FGF14: variants seen among roughly 807,000 people sequenced by gnomAD.
FGF14 encodes fibroblast growth factor 14.
In FGF14, 5 loss-of-function variants were observed where a neutral mutation model predicts 25.5. That is an observed-to-expected ratio of 0.20 (90% CI 0.10 to 0.41). FGF14 has a LOEUF of 0.41. Ranked by LOEUF, FGF14 falls within the 10% of genes least tolerant of loss-of-function variation. The pLI, the probability that FGF14 is intolerant of heterozygous loss-of-function variation, is 1.00. For missense variants in FGF14, 222 were observed against 320.1 expected (o/e 0.69, Z 2.34); for synonymous variants, 138 against 118.3 (o/e 1.17, Z -1.08).
Position 101,903,228 on chromosome 13 carries a change from C to G in FGF14, c.193+13225G>C, listed in dbSNP as rs2031794822. On this transcript the variant is annotated intron_variant, in intron 1 of 4. Coordinates refer to ENST00000376143, the MANE Select transcript of FGF14 (RefSeq NM_004115.4). ...AAGTTACAGATCAGAGTTGTGGAGA[C>G]TCTAATTGTGGTGTGTGTGTGTGTG... 2.1e-5 allele frequency among the ~76,000 whole-genome samples: 3 copies of G among 144,476 alleles called. No individual in the cohort carries two copies. In the Admixed American group the frequency reaches 2.2e-4, roughly 10 times the overall value. 94.8% of individuals were successfully genotyped at this position (144,476 alleles called of 152,430 possible).
In FGF14 at chr13:101,916,891, C is replaced by T. The variant is rs2476226; in HGVS notation, c.-246G>A. ...AGCCGGACGATCCCGGGAAGCCGGA[C>T]GTCGTGGCCGCCGCCGCTTGGCCAC... On this transcript the variant is annotated 5_prime_UTR_variant, in exon 1 of 5. Transcript: ENST00000376143. Among the ~76,000 whole-genome samples, 10 of 152,072 alleles carry T rather than the reference C, an allele frequency of 6.6e-5. No homozygotes were observed. The highest frequency in any genetic ancestry group is 2.4e-4 in the African/African-American group (10 of 41,448).
intron 1 of FGF14, among the ~76,000 whole-genome samples, chr13:102,273,454 A>G (rs2053353462): frequency 6.6e-6 from 1 of 152,248 alleles, no homozygotes; most frequent in African/African-American, 2.4e-5. Context: ...CCTCAAAACG[A>G]CTCAAGGCAT....
intron 3 of FGF14, among the ~76,000 whole-genome samples, chr13:101,836,161 C>G (rs1054940948): frequency 2.6e-5 from 4 of 151,938 alleles, no homozygotes; most frequent in African/African-American, 9.7e-5. Flanking sequence ...AAAGACTGAG[C>G]AATTTGAAGT....
chr13:102,220,963 G>A (rs1322030971), intron 1 of FGF14, among the ~76,000 whole-genome samples: 3 of 152,178 alleles, frequency 2.0e-5, no homozygotes, highest in Admixed American at 2.0e-4. Flanking sequence ...ACTACACAGG[G>A]GTATTGAGAT....
intron 1 of FGF14, among the ~76,000 whole-genome samples, chr13:102,380,243 A>T (rs1430752904): frequency 6.6e-6 from 1 of 150,860 alleles, no homozygotes; most frequent in African/African-American, 2.5e-5. Flanking sequence ...CATACATGGA[A>T]CTGACATTCC....
intron 1 of FGF14, among the ~76,000 whole-genome samples, chr13:101,961,761 A>G (rs1163592835): frequency 6.6e-6 from 1 of 152,118 alleles, no homozygotes. Context: ...CCACCATGTG[A>G]AGAAGGATGT....
intron 1 of FGF14, among the ~76,000 whole-genome samples, chr13:102,126,900 C>G (rs1411647010): frequency 1.5e-4 from 23 of 152,114 alleles, no homozygotes; most frequent in Admixed American, 1.5e-3. Flanking sequence ...GTAATTCTGT[C>G]TGTATAAAAT....
At chr13:102,353,779 G>A (rs548775356) in intron 1 of FGF14, among the ~76,000 whole-genome samples, 5 of 152,278 alleles carry the variant, frequency 3.3e-5, no homozygotes, top group East Asian at 3.9e-4. Context: ...ACCCTGCAGA[G>A]TGTTTTTCCT....
rs541998136 is a variant in FGF14 at position 102,185,601 on chromosome 13, T to G, written c.208+215870A>C. Among the ~76,000 whole-genome samples, 5 of 152,312 alleles carry G rather than the reference T, an allele frequency of 3.3e-5. No individual in the cohort carries two copies. The East Asian group carries it at 5.8e-4, about 18-fold the overall frequency. On this transcript the variant is annotated intron_variant, in intron 1 of 4. Transcript: ENST00000376131. The stretch of plus-strand genomic sequence containing the variant: ...GGATGAGAAATGTATCTCTTAAAGA[T>G]CTCCATATGAGTTAATATTACACCT...
chr13:101,905,317 G>A (rs1355330331), intron 1 of FGF14, among the ~76,000 whole-genome samples: 2 of 152,166 alleles, frequency 1.3e-5, no homozygotes, highest in Non-Finnish European at 2.9e-5. Context: ...GTCCATCAAT[G>A]ATAGATTGGA....
At chr13:101,969,380 G>C (rs775677651) in intron 1 of FGF14, among the ~76,000 whole-genome samples, 1 of 152,112 alleles carries the variant, frequency 6.6e-6, no homozygotes, top group Non-Finnish European at 1.5e-5. Flanking sequence ...TGGCTAACAC[G>C]GTGAATCCCC....
intron 3 of FGF14, among the ~76,000 whole-genome samples, chr13:101,787,101 A>G (rs1466673810): frequency 6.6e-6 from 1 of 152,196 alleles, no homozygotes; most frequent in African/African-American, 2.4e-5. Flanking sequence ...TGCTCATTCA[A>G]AATATATAAT....
At chr13:102,372,154 C>G (rs2057904351) in intron 1 of FGF14, among the ~76,000 whole-genome samples, 1 of 152,124 alleles carries the variant, frequency 6.6e-6, no homozygotes, top group African/African-American at 2.4e-5. Flanking sequence ...AGAAGTATTT[C>G]TCTCTACTTC....
At chr13:101,829,555 T>C (rs555390517) in intron 3 of FGF14, among the ~76,000 whole-genome samples, 1 of 151,998 alleles carries the variant, frequency 6.6e-6, no homozygotes, top group South Asian at 2.1e-4. Flanking sequence ...TCCGGAGGTA[T>C]TGAGAACAAA....
chr13:102,210,380 T>G (rs2050108717), intron 1 of FGF14, among the ~76,000 whole-genome samples: 1 of 152,132 alleles, frequency 6.6e-6, no homozygotes, highest in Non-Finnish European at 1.5e-5. Context: ...AGTTTCCAGA[T>G]ATAATCATAT....
chr13:101,991,513 G>C lies in FGF14; in HGVS notation c.209-116217C>G, dbSNP rs527430624. On this transcript the variant is annotated intron_variant, in intron 1 of 4. Transcript: ENST00000376131. ...TCCAGTTTCTAGTCTGACGTGCAAAGGTTTTCAAAGTTGTCACTCCCATTC... is the reference window on the plus strand; with the variant it reads ...TCCAGTTTCTAGTCTGACGTGCAAACGTTTTCAAAGTTGTCACTCCCATTC... 3.9e-5 allele frequency among the ~76,000 whole-genome samples: 6 copies of C among 152,162 alleles called. No homozygotes were observed. The East Asian group carries it at 1.2e-3, about 29-fold the overall frequency.
Position 101,715,671 on chromosome 13 carries a change from G to T in FGF14, c.*7160C>A, listed in dbSNP as rs764173744. 5 of 1,540,458 alleles carry T rather than the reference G, an allele frequency of 3.2e-6. 1 individual carries two copies. The highest frequency in any genetic ancestry group is 3.3e-5 in the Admixed American group (2 of 59,876). On this transcript the variant is annotated 3_prime_UTR_variant, in exon 5 of 5. Transcript: ENST00000376143. ...TATCCTTAACAATTACATGAGAGAG[G>T]TCTGGATTCTTATTTTTTCTGGGCC...
intron 1 of FGF14, among the ~76,000 whole-genome samples, chr13:102,231,382 C>T (rs552183448): frequency 6.6e-6 from 1 of 152,248 alleles, no homozygotes; most frequent in African/African-American, 2.4e-5. Context: ...TCTTTGTGAA[C>T]AGCAGTGACA....
At chr13:102,382,044 C>T (rs2058195685) in intron 1 of FGF14, among the ~76,000 whole-genome samples, 2 of 152,086 alleles carry the variant, frequency 1.3e-5, no homozygotes. Context: ...CTAAGAAAAA[C>T]TTAGGACAAA....
Sources: gnomAD v4.1 joint callset for allele counts (sites outside exome capture counted in the v4.1 genomes callset) on GRCh38, gnomAD v4.1.1 for gene constraint, MANE v1.5 for transcripts, NCBI Gene and HGNC (gene_info 2026-07-23, HGNC 2026-07-21) for gene names.